DGKI: variants seen among roughly 807,000 people sequenced by gnomAD.
DGKI encodes the protein diacylglycerol kinase iota, also known as DAG kinase iota.
A neutral mutation model predicts 147.5 loss-of-function variants in DGKI; 55 were observed. That is an observed-to-expected ratio of 0.37 (90% CI 0.30 to 0.47). The LOEUF is 0.47. DGKI is among the 20% of genes least tolerant of loss of function. The pLI is 1.00. For missense variants in DGKI, 1,007 were observed against 1,323.8 expected (o/e 0.76, Z 3.71); for synonymous variants, 469 against 477.1 (o/e 0.98, Z 0.22).
chr7:137,463,667 C>A (rs1007411997), intron 26 of DGKI, 56 bp from the exon 27 acceptor site: 1 of 1,586,388 alleles, frequency 6.3e-7, no homozygotes, highest in Non-Finnish European at 8.6e-7. Context: ...CACGTGACTT[C>A]GTTTCCACTT....
At chr7:137,560,901 G>A (rs1401958035) in intron 19 of DGKI, among the ~76,000 whole-genome samples, 1 of 152,152 alleles carries the variant, frequency 6.6e-6, no homozygotes, top group Non-Finnish European at 1.5e-5. Context: ...AATGTATGTT[G>A]TCTTAAGCCA....
intron 12 of DGKI, among the ~76,000 whole-genome samples, chr7:137,591,203 G>A (rs902551903): frequency 2.6e-5 from 4 of 152,162 alleles, no homozygotes; most frequent in Non-Finnish European, 2.9e-5. Context: ...ATGTAAAGGT[G>A]CTTCGCCTCT....
chr7:137,398,858 C>A (rs1264291638), intron 30 of DGKI, among the ~76,000 whole-genome samples: 1 of 151,956 alleles, frequency 6.6e-6, no homozygotes, highest in South Asian at 2.1e-4. Context: ...AAGTAGTTAC[C>A]AAGAAAGATA....
chr7:137,467,156 A>G (rs1382857703), intron 24 of DGKI, among the ~76,000 whole-genome samples: 2 of 152,194 alleles, frequency 1.3e-5, no homozygotes, highest in Non-Finnish European at 2.9e-5. Flanking sequence ...TGCCTCTGCC[A>G]TCTAAATCAT....
At chr7:137,725,579 A>G (rs934401068) in intron 1 of DGKI, among the ~76,000 whole-genome samples, 4 of 145,076 alleles carry the variant, frequency 2.8e-5, no homozygotes, top group Non-Finnish European at 4.5e-5. Flanking sequence ...AAATCACTTT[A>G]AAAAAAGGTA....
intron 8 of DGKI, among the ~76,000 whole-genome samples, chr7:137,619,220 G>T (rs940903487): frequency 7.9e-5 from 12 of 152,272 alleles, no homozygotes; most frequent in African/African-American, 2.9e-4. Context: ...AACCACTAAG[G>T]TTTCCCTGAA....
In DGKI at chr7:137,417,749, T is replaced by A. The variant is rs183679364; in HGVS notation, c.2762-5542A>T. On this transcript the variant is annotated intron_variant, in intron 28 of 32. Transcript: ENST00000614521. Reference sequence around the variant, plus strand: ...GAAGGCTCCACCCTCATGAAGGAAATCAATGCCCTTCTAAAAGAGCCTTGA... The same window carrying A: ...GAAGGCTCCACCCTCATGAAGGAAAACAATGCCCTTCTAAAAGAGCCTTGA... Among the ~76,000 whole-genome samples, 16 of 152,300 alleles carry A rather than the reference T, an allele frequency of 1.1e-4. No individual in the cohort carries two copies. The East Asian group carries it at 3.1e-3, about 29-fold the overall frequency.
At chr7:137,579,507 A>C (rs1317636194) in intron 15 of DGKI, among the ~76,000 whole-genome samples, 1 of 151,902 alleles carries the variant, frequency 6.6e-6, no homozygotes, top group Non-Finnish European at 1.5e-5. Flanking sequence ...ATAATTTTTT[A>C]ATTTACTATT....
intron 23 of DGKI, among the ~76,000 whole-genome samples, chr7:137,472,377 A>G (rs1320786452): frequency 6.7e-5 from 8 of 120,134 alleles, no homozygotes; most frequent in Non-Finnish European, 1.1e-4. Context: ...TAATTATTAT[A>G]TGTATATATA....
chr7:137,631,253 G>A (rs1821113169), intron 6 of DGKI, among the ~76,000 whole-genome samples: 1 of 152,170 alleles, frequency 6.6e-6, no homozygotes, highest in African/African-American at 2.4e-5. Flanking sequence ...CAACTGAGAA[G>A]GAGACTTTAA....
intron 5 of DGKI, among the ~76,000 whole-genome samples, chr7:137,653,127 T>TG (rs1822093574): frequency 6.6e-6 from 1 of 152,096 alleles, no homozygotes; most frequent in Non-Finnish European, 1.5e-5. Context: ...TGTATGTGTG[T>TG]TTGTGTGTGT....
chr7:137,766,951 C>A (rs370871696), intron 1 of DGKI, among the ~76,000 whole-genome samples: 51 of 152,316 alleles, frequency 3.3e-4, no homozygotes, highest in African/African-American at 1.2e-3. Flanking sequence ...ATGCTGACAT[C>A]TGAGGATCCT....
Position 137,552,079 on chromosome 7 carries a change from C to T in DGKI, c.2147+290G>A, listed in dbSNP as rs76106089. Among the ~76,000 whole-genome samples the T allele has an allele frequency of 2.1e-3, 325 of 152,270 alleles. 1 individual carries two copies. The highest frequency in any genetic ancestry group is 7.6e-3 in the African/African-American group (314 of 41,540). On this transcript the variant is annotated intron_variant, in intron 20 of 32. Coordinates refer to ENST00000614521, the MANE Select transcript of DGKI (RefSeq NM_001321708.2). Reference sequence around the variant, plus strand: ...GAACACGGTTTACCATCCTAGAATCCCTCTCAATGATTTTCTGCTAGTCCC... The same window carrying T: ...GAACACGGTTTACCATCCTAGAATCTCTCTCAATGATTTTCTGCTAGTCCC...
At chr7:137,785,689 C>T (rs544060415) in intron 1 of DGKI, among the ~76,000 whole-genome samples, 16 of 152,044 alleles carry the variant, frequency 1.1e-4, no homozygotes, top group African/African-American at 3.9e-4. Flanking sequence ...AACTACAGAC[C>T]AATACCCTTG....
At chr7:137,748,649 A>AT (rs1795414548) in intron 1 of DGKI, among the ~76,000 whole-genome samples, 1 of 152,044 alleles carries the variant, frequency 6.6e-6, no homozygotes, top group Admixed American at 6.6e-5. Flanking sequence ...GGGAACTTTT[A>AT]TTTTCTTCTG....
chr7:137,463,403 C>T, intron 27 of DGKI, 86 bp downstream of exon 27: 1 of 1,549,190 alleles, frequency 6.5e-7, no homozygotes, highest in Admixed American at 1.9e-5. Flanking sequence ...AAAAGAGAAT[C>T]CTGACCACTG....
At chr7:137,519,801 A>G (rs907740537) in intron 21 of DGKI, among the ~76,000 whole-genome samples, 6 of 152,032 alleles carry the variant, frequency 3.9e-5, no homozygotes, top group Non-Finnish European at 5.9e-5. Context: ...TAGAAGCACC[A>G]TCACCGCATA....
chr7:137,512,532 G>C (rs1399464840), intron 21 of DGKI, among the ~76,000 whole-genome samples: 5 of 152,110 alleles, frequency 3.3e-5, no homozygotes, highest in Non-Finnish European at 7.4e-5. Context: ...CAACCAAATG[G>C]ACTAGGCTGG....
intron 32 of DGKI, among the ~76,000 whole-genome samples, chr7:137,394,237 T>TCAA (rs1298143740): frequency 6.6e-6 from 1 of 152,182 alleles, no homozygotes; most frequent in Non-Finnish European, 1.5e-5. Flanking sequence ...CGAATGAGGC[T>TCAA]CAATGGAAAT....
Sources: allele counts gnomAD v4.1 joint callset (sites outside exome capture counted in the v4.1 genomes callset), GRCh38; gene constraint gnomAD v4.1.1; transcripts MANE v1.5; gene names NCBI Gene and HGNC (gene_info 2026-07-23, HGNC 2026-07-21).